Variants in ADGB observed in about 807,000 individuals in gnomAD.
The protein encoded by ADGB is androglobin.
Under a neutral mutation model 210.5 loss-of-function variants are expected in ADGB, and 172 were observed. The ratio of observed to expected loss-of-function variants is 0.82; its 90% CI spans 0.72 to 0.93. The LOEUF is 0.93. Ranked by LOEUF, ADGB falls within the 40% of genes least tolerant of loss-of-function variation. The pLI is 0.00. For synonymous variants in ADGB, 658 were observed against 662.7 expected, an observed-to-expected ratio of 0.99 and a Z score of 0.11; for missense variants, 2,025 against 1,964.8, an observed-to-expected ratio of 1.03 and a Z score of -0.58.
At chr6:146,749,200 T>TCA (rs1777285100) in intron 26 of ADGB, among the ~76,000 whole-genome samples, 1 of 152,196 alleles carries the variant, frequency 6.6e-6, no homozygotes, top group Admixed American at 6.5e-5. Flanking sequence ...GGGGAGAAGC[T>TCA]CATTTGCAAG....
chr6:146,608,534 A>G (rs1328865500), intron 1 of ADGB, among the ~76,000 whole-genome samples: 1 of 152,138 alleles, frequency 6.6e-6, no homozygotes, highest in East Asian at 1.9e-4. Context: ...CCCTTTTAAC[A>G]CTGCTTTAGC....
intron 28 of ADGB, 76 bp from the exon 29 acceptor site, chr6:146,768,944 C>A: frequency 1.4e-6 from 1 of 715,800 alleles, no homozygotes; most frequent in Non-Finnish European, 2.3e-6. Context: ...TTATCATGTA[C>A]CTAGCATAAT....
intron 5 of ADGB, among the ~76,000 whole-genome samples, chr6:146,660,096 G>GT (rs1256388373): frequency 6.6e-6 from 1 of 152,096 alleles, no homozygotes; most frequent in Non-Finnish European, 1.5e-5. Flanking sequence ...CAAACTGGCT[G>GT]TTGTACTTCT....
In ADGB at chr6:146,692,826, G is replaced by C. The variant is rs940261634; in HGVS notation, c.1488G>C (p.Glu496Asp). The C allele has an allele frequency of 6.6e-7, 1 of 1,504,768 alleles. No individual in the cohort carries two copies. 93.2% of individuals were successfully genotyped at this position (1,504,768 alleles called of 1,614,324 possible). ...KETVITDEAQ[E>D]LIVKKPERFL... Reference sequence around the variant, plus strand: ...TACTTTCTAACTGCTACTTTTTAGAGTTAATAGTAAAGAAGCCTGAACGGT... The same window carrying C: ...TACTTTCTAACTGCTACTTTTTAGACTTAATAGTAAAGAAGCCTGAACGGT... Residue 496 changes from glutamate (E) to aspartate (D), a missense_variant and splice_region_variant, in exon 12 of 36, where the codon GAG (glutamate) becomes GAC (aspartate). By Grantham distance (45) the Glu-to-Asp change is conservative. Transcript: ENST00000397944.
intron 13 of ADGB, among the ~76,000 whole-genome samples, chr6:146,704,459 T>G (rs2114548883): frequency 6.6e-6 from 1 of 152,144 alleles, no homozygotes; most frequent in Middle Eastern, 3.4e-3. Context: ...GGTCTTAAAG[T>G]TAAGTTCTTA....
intron 1 of ADGB, among the ~76,000 whole-genome samples, chr6:146,629,576 T>G (rs1781029692): frequency 6.6e-6 from 1 of 152,208 alleles, no homozygotes; most frequent in South Asian, 2.1e-4. Flanking sequence ...CCCTTATATT[T>G]AAGAAATGAT....
intron 27 of ADGB, among the ~76,000 whole-genome samples, chr6:146,762,596 G>C (rs182604438): frequency 1.3e-5 from 2 of 152,028 alleles, no homozygotes; most frequent in Non-Finnish European, 2.9e-5. Context: ...TATATTGTGC[G>C]TGCTACACTG....
intron 35 of ADGB, among the ~76,000 whole-genome samples, chr6:146,813,284 C>G (rs1277047672): frequency 1.3e-5 from 2 of 151,988 alleles, no homozygotes; most frequent in East Asian, 3.9e-4. Flanking sequence ...TGTTCTCTTA[C>G]TTTAAGGCAT....
At chr6:146,799,849 G>A (rs1381356445) in intron 33 of ADGB, among the ~76,000 whole-genome samples, 2 of 151,834 alleles carry the variant, frequency 1.3e-5, no homozygotes, top group Admixed American at 6.6e-5. Flanking sequence ...TCACTCTGTC[G>A]CCCAGGCTGG....
chr6:146,724,102 T>C, intron 17 of ADGB, 84 bp from the exon 18 acceptor site: 1 of 1,078,150 alleles, frequency 9.3e-7, no homozygotes, highest in Non-Finnish European at 1.3e-6. Context: ...ATTTATGTTG[T>C]TACTTAATAA....
chr6:146,724,549 A>G (rs964868578), intron 18 of ADGB: 2 of 337,186 alleles, frequency 5.9e-6, no homozygotes, highest in African/African-American at 2.1e-5. Flanking sequence ...ATAATTGTCA[A>G]AGATTCTGGG....
chr6:146,752,232 A>C (rs1304485352), intron 26 of ADGB, among the ~76,000 whole-genome samples: 1 of 152,020 alleles, frequency 6.6e-6, no homozygotes, highest in Non-Finnish European at 1.5e-5. Context: ...GGTACATCAC[A>C]TGGCCAGAGC....
chr6:146,759,904 G>C (rs746271693), intron 27 of ADGB, among the ~76,000 whole-genome samples: 4 of 151,502 alleles, frequency 2.6e-5, no homozygotes, highest in Non-Finnish European at 4.4e-5. Flanking sequence ...TCCTCTTTTT[G>C]TATTACCTTC....
intron 9 of ADGB, among the ~76,000 whole-genome samples, chr6:146,682,814 T>A (rs1284856463): frequency 2.0e-5 from 3 of 152,110 alleles, no homozygotes; most frequent in Non-Finnish European, 4.4e-5. Context: ...TACAAATAAT[T>A]CTTATATTTT....
intron 1 of ADGB, among the ~76,000 whole-genome samples, chr6:146,611,803 A>G (rs922112682): frequency 1.3e-5 from 2 of 151,862 alleles, no homozygotes; most frequent in Non-Finnish European, 2.9e-5. Context: ...TTTAAAAGGG[A>G]TTAGTTTGAG....
chr6:146,630,702 T>C (rs1490603003), intron 1 of ADGB, among the ~76,000 whole-genome samples: 1 of 152,218 alleles, frequency 6.6e-6, no homozygotes, highest in Non-Finnish European at 1.5e-5. Flanking sequence ...TACATGGTCT[T>C]GTGCCCAAAT....
chr6:146,663,478 C>G (rs1189207343), intron 5 of ADGB, among the ~76,000 whole-genome samples: 1 of 151,694 alleles, frequency 6.6e-6, no homozygotes, highest in Non-Finnish European at 1.5e-5. Context: ...TAAAAGGGCA[C>G]AAATCCCATT....
chr6:146,783,124 G>A (rs1035177370), intron 30 of ADGB, among the ~76,000 whole-genome samples: 4 of 152,064 alleles, frequency 2.6e-5, no homozygotes, highest in African/African-American at 9.7e-5. Flanking sequence ...CAGGAAAAAA[G>A]GAAGGATGGG....
chr6:146,690,826 G>A (rs148067359), intron 10 of ADGB, among the ~76,000 whole-genome samples: 2 of 152,182 alleles, frequency 1.3e-5, no homozygotes, highest in East Asian at 3.9e-4. Context: ...GGACTAACTG[G>A]TGTGCTAAGA....
Sources: gnomAD v4.1 joint callset for allele counts (sites outside exome capture counted in the v4.1 genomes callset) on GRCh38, gnomAD v4.1.1 for gene constraint, MANE v1.5 for transcripts, NCBI Gene and HGNC (gene_info 2026-07-23, HGNC 2026-07-21) for gene names.